Variants in CAMKMT observed in about 807,000 individuals in gnomAD.
The protein encoded by CAMKMT is CaM KMT.
Under a neutral mutation model 48.0 loss-of-function variants are expected in CAMKMT, and 53 were observed. The observed-to-expected ratio is 1.10, with a 90% CI of 0.89 to 1.39. The LOEUF (loss-of-function observed/expected upper bound fraction) is 1.39, where lower values mean the gene tolerates loss of function less well. Ranked by LOEUF, CAMKMT falls within the 40% of genes most tolerant of loss-of-function variation. CAMKMT has a pLI of 0.00. For missense variants in CAMKMT, 428 were observed against 402.7 expected (o/e 1.06, Z -0.54); for synonymous variants, 165 against 152.3 (o/e 1.08, Z -0.61).
At chr2:44,558,234 C>G (rs1668127337) in intron 3 of CAMKMT, among the ~76,000 whole-genome samples, 1 of 152,158 alleles carries the variant, frequency 6.6e-6, no homozygotes, top group South Asian at 2.1e-4. Flanking sequence ...GAGATGGCAT[C>G]TTGCAATGTT....
chr2:44,735,447 T>C (rs1427696709), intron 7 of CAMKMT, among the ~76,000 whole-genome samples: 3 of 152,230 alleles, frequency 2.0e-5, no homozygotes, highest in Non-Finnish European at 2.9e-5. Flanking sequence ...TGCTTGCTTT[T>C]GGATTAAATG....
At chr2:44,372,557 T>C (rs1356766028) in intron 1 of CAMKMT, among the ~76,000 whole-genome samples, 159 bp from the exon 2 acceptor site, 1 of 152,180 alleles carries the variant, frequency 6.6e-6, no homozygotes, top group Non-Finnish European at 1.5e-5. Flanking sequence ...ATTTTGTTCA[T>C]CTTTTATAGT....
At chr2:44,601,400 G>T (rs1239013051) in intron 3 of CAMKMT, among the ~76,000 whole-genome samples, 1 of 152,052 alleles carries the variant, frequency 6.6e-6, no homozygotes, top group Middle Eastern at 3.2e-3. Flanking sequence ...AGGTTGCGGT[G>T]AGCCAAGATT....
chr2:44,717,296 C>A (rs757143671), intron 7 of CAMKMT, among the ~76,000 whole-genome samples: 9 of 151,868 alleles, frequency 5.9e-5, no homozygotes, highest in East Asian at 1.9e-4. Flanking sequence ...TTTCTTTTGA[C>A]CCCTGTAAGC....
intron 3 of CAMKMT, among the ~76,000 whole-genome samples, chr2:44,537,293 C>T (rs1242763703): frequency 6.6e-6 from 1 of 152,108 alleles, no homozygotes; most frequent in African/African-American, 2.4e-5. Context: ...CCAGAATATA[C>T]AAGGAATTCA....
chr2:44,753,955 T>C (rs1009258797), intron 8 of CAMKMT, 100 bp from the exon 9 acceptor site: 10 of 791,644 alleles, frequency 1.3e-5, no homozygotes, highest in African/African-American at 1.0e-4. Context: ...TTTTTTAGCG[T>C]TGGGTAAACA....
At chr2:44,707,999 G>C (rs980005539) in intron 6 of CAMKMT, among the ~76,000 whole-genome samples, 1 of 151,996 alleles carries the variant, frequency 6.6e-6, no homozygotes, top group Non-Finnish European at 1.5e-5. Flanking sequence ...GATTATACAA[G>C]CTATCTCTAT....
At chr2:44,768,301 A>T (rs1269477035) in intron 10 of CAMKMT, among the ~76,000 whole-genome samples, 1 of 149,486 alleles carries the variant, frequency 6.7e-6, no homozygotes, top group African/African-American at 2.5e-5. Context: ...TATTCTGCAG[A>T]GTTGGCACAT....
At chr2:44,424,052 C>G (rs1379473679) in intron 3 of CAMKMT, among the ~76,000 whole-genome samples, 1 of 152,160 alleles carries the variant, frequency 6.6e-6, no homozygotes, top group Non-Finnish European at 1.5e-5. Flanking sequence ...ATGCAAATTA[C>G]ATTCATTACA....
At chr2:44,404,167 AT>A (rs1682619138) in intron 3 of CAMKMT, among the ~76,000 whole-genome samples, 1 of 152,162 alleles carries the variant, frequency 6.6e-6, no homozygotes, top group Non-Finnish European at 1.5e-5. Flanking sequence ...TGCTTTGTGG[AT>A]TAGTGAACTT....
chr2:44,378,119 A>G (rs1012255175), intron 2 of CAMKMT, among the ~76,000 whole-genome samples: 7 of 152,248 alleles, frequency 4.6e-5, no homozygotes, highest in Non-Finnish European at 8.8e-5. Flanking sequence ...CAATAAAACA[A>G]CGTTTTTTAG....
intron 3 of CAMKMT, among the ~76,000 whole-genome samples, chr2:44,690,109 G>A (rs918084050): frequency 9.2e-5 from 14 of 152,256 alleles, no homozygotes; most frequent in Admixed American, 6.5e-5. Context: ...GGACCATTTC[G>A]AAACCCATCT....
intron 3 of CAMKMT, among the ~76,000 whole-genome samples, chr2:44,684,684 C>G (rs1031494786): frequency 6.6e-6 from 1 of 152,094 alleles, no homozygotes; most frequent in African/African-American, 2.4e-5. Context: ...GAAAGATGGC[C>G]TATTGAATGT....
At chr2:44,467,585 C>G (rs1181410758) in intron 3 of CAMKMT, among the ~76,000 whole-genome samples, 1 of 151,348 alleles carries the variant, frequency 6.6e-6, no homozygotes, top group East Asian at 1.9e-4. Context: ...CAAACAAAAA[C>G]TCACCACCAC....
At chr2:44,770,482 A>G (rs969973882) in intron 10 of CAMKMT, among the ~76,000 whole-genome samples, 4 of 152,242 alleles carry the variant, frequency 2.6e-5, no homozygotes, top group African/African-American at 9.6e-5. Context: ...AGCTCATTTG[A>G]GTCTCTGTAT....
chr2:44,452,482 G>A (rs1252182596), intron 3 of CAMKMT, among the ~76,000 whole-genome samples: 1 of 151,896 alleles, frequency 6.6e-6, no homozygotes, highest in Non-Finnish European at 1.5e-5. Flanking sequence ...TTAAATATAT[G>A]TGGGCTCCCC....
intron 3 of CAMKMT, among the ~76,000 whole-genome samples, chr2:44,422,069 C>G (rs923094283): frequency 5.3e-5 from 8 of 152,088 alleles, no homozygotes; most frequent in African/African-American, 1.7e-4. Context: ...AATGTAATCC[C>G]CAGTGTTGGA....
chr2:44,447,928 T>C (rs1400573888), intron 3 of CAMKMT, among the ~76,000 whole-genome samples: 2 of 152,270 alleles, frequency 1.3e-5, no homozygotes, highest in African/African-American at 2.4e-5. Flanking sequence ...CTGTCTGTTT[T>C]AATGTATTCT....
At chr2:44,496,365 G>A (rs1398407640) in intron 3 of CAMKMT, among the ~76,000 whole-genome samples, 1 of 152,132 alleles carries the variant, frequency 6.6e-6, no homozygotes, top group African/African-American at 2.4e-5. Flanking sequence ...AAGGTTAAAG[G>A]TAAACACTCC....
Sources: allele counts gnomAD v4.1 joint callset (sites outside exome capture counted in the v4.1 genomes callset), GRCh38; gene constraint gnomAD v4.1.1; transcripts MANE v1.5; gene names NCBI Gene and HGNC (gene_info 2026-07-23, HGNC 2026-07-21).